Variants in ZNF728 observed in about 807,000 individuals in gnomAD.
The protein encoded by ZNF728 is zinc finger protein 728.
ZNF728 carries 12 observed loss-of-function variants against 12.5 expected under a neutral mutation model. The observed-to-expected ratio is 0.96, with a 90% CI of 0.61 to 1.55. The LOEUF (loss-of-function observed/expected upper bound fraction) is 1.55. Ranked by LOEUF, ZNF728 falls within the 40% of genes most tolerant of loss-of-function variation. The probability of loss-of-function intolerance (pLI) is 0.00; values close to 1 mark genes in which losing one functional copy is unlikely to be tolerated. For missense variants in ZNF728, 692 were observed against 719.2 expected (o/e 0.96, Z 0.43); for synonymous variants, 205 against 240.7 (o/e 0.85, Z 1.37).
intron 1 of ZNF728, among the ~76,000 whole-genome samples, chr19:22,992,015 A>G (rs1968993489): frequency 6.6e-6 from 1 of 152,240 alleles, no homozygotes; most frequent in Non-Finnish European, 1.5e-5. Flanking sequence ...AAAAATAAGT[A>G]TTCTTAGCAG....
chr19:22,998,671 A>T (rs1325561416), intron 1 of ZNF728, among the ~76,000 whole-genome samples: 1 of 152,238 alleles, frequency 6.6e-6, no homozygotes, highest in African/African-American at 2.4e-5. Flanking sequence ...ACAGGTTTCA[A>T]ATAAAATATA....
Position 22,987,422 on chromosome 19 carries a change from G to A in ZNF728, c.131-19C>T, listed in dbSNP as rs771672689. The A allele has an allele frequency of 6.3e-7, 1 of 1,588,636 alleles. No homozygotes were observed. The highest frequency in any genetic ancestry group is 1.2e-5 in the South Asian group (1 of 86,314). On this transcript the variant is annotated intron_variant, in intron 2 of 3. Coordinates refer to ENST00000594710, the MANE Select transcript of ZNF728 (RefSeq NM_001267716.2). Reference sequence around the variant, plus strand: ...GCAATACCTGTTTTATTAAAAATGAGTAACATGCATCTTGCTCATATTCTC... The same window carrying A: ...GCAATACCTGTTTTATTAAAAATGAATAACATGCATCTTGCTCATATTCTC...
intron 1 of ZNF728, chr19:22,995,864 ATC>A (rs1969044544): frequency 2.6e-5 from 4 of 152,342 alleles, no homozygotes; most frequent in Non-Finnish European, 2.9e-5. Flanking sequence ...AAAAATTGAA[ATC>A]TGTGTTAATA....
At chr19:23,001,052 A>G (rs1969108764) in intron 1 of ZNF728, among the ~76,000 whole-genome samples, 1 of 141,470 alleles carries the variant, frequency 7.1e-6, no homozygotes, top group Non-Finnish European at 1.5e-5. Context: ...CTCTCAGGAG[A>G]CTCTGAACTA....
intron 3 of ZNF728, among the ~76,000 whole-genome samples, chr19:22,978,535 G>A (rs1336471473): frequency 6.6e-6 from 1 of 152,142 alleles, no homozygotes; most frequent in East Asian, 1.9e-4. Context: ...ACCTCAAGTG[G>A]GTCCCTGACA....
intron 1 of ZNF728, among the ~76,000 whole-genome samples, chr19:23,000,865 C>CAAA (rs879559395): frequency 8.0e-4 from 26 of 32,594 alleles, no homozygotes; most frequent in South Asian, 4.2e-3. Flanking sequence ...AAAACACTGT[C>CAAA]AAAAAAAAAA....
At position 22,983,652 on chromosome 19, in the gene ZNF728, T is replaced by C. The variant is rs138407767; in HGVS notation, c.226+3656A>G. On this transcript the variant is annotated intron_variant, in intron 3 of 3. Transcript: ENST00000594710. ...CTGGATAAAGAAAATGTGGCACATA[T>C]ATACCACGGAATACTATGCAGCCAT... Among the ~76,000 whole-genome samples the C allele has an allele frequency of 1.5e-3, 224 of 152,288 alleles. 1 individual carries two copies. Among genetic ancestry groups the C allele is most frequent in the African/African-American group, 5.3e-3 (222 of 41,564 alleles).
intron 1 of ZNF728, among the ~76,000 whole-genome samples, chr19:22,992,949 A>G (rs289299): frequency 0.31 from 46,530 of 152,096 alleles, 9,236 homozygotes; most frequent in African/African-American, 0.57. Flanking sequence ...TTGAACTCCC[A>G]AACCTGGGTC....
At chr19:22,984,964 C>A (rs1263470515) in intron 3 of ZNF728, among the ~76,000 whole-genome samples, 3 of 152,032 alleles carry the variant, frequency 2.0e-5, no homozygotes, top group African/African-American at 7.2e-5. Context: ...GAATGCAACA[C>A]ATATATATAC....
At chr19:22,982,434 T>C (rs1295070610) in intron 3 of ZNF728, among the ~76,000 whole-genome samples, 2 of 152,222 alleles carry the variant, frequency 1.3e-5, no homozygotes, top group East Asian at 3.8e-4. Context: ...AAAATGGCCA[T>C]ACGGCCCAAA....
In ZNF728 at chr19:22,976,343, T is replaced by C; in HGVS notation, c.994A>G (p.Arg332Gly). 6.2e-7 allele frequency: 1 copy of C among 1,613,250 alleles called. No individual in the cohort carries two copies. Among genetic ancestry groups the C allele is most frequent in the Non-Finnish European group, 8.5e-7 (1 of 1,179,884 alleles). ...CAGGGCTTCTCTCCAGTATGAATTC[T>C]CTTATGTTCCATAAGGTTTGAGGAC... ...NRSSNLMEHK[R>G]IHTGEKPCKC... The change falls in exon 4 of 4, where the codon AGA becomes GGA. Residue 332 changes from arginine (R) to glycine (G), a missense_variant. Arg to Gly is a moderately radical substitution (Grantham distance 125). Coordinates refer to ENST00000594710, the MANE Select transcript of ZNF728 (RefSeq NM_001267716.2).
At chr19:22,990,233 A>G (rs1968971240) in intron 1 of ZNF728, among the ~76,000 whole-genome samples, 1 of 151,878 alleles carries the variant, frequency 6.6e-6, no homozygotes, top group African/African-American at 2.4e-5. Context: ...GTGGACACAG[A>G]TCTTGATCTG....
chr19:22,989,151 G>C (rs1968955879), intron 1 of ZNF728, among the ~76,000 whole-genome samples: 1 of 150,982 alleles, frequency 6.6e-6, no homozygotes, highest in Non-Finnish European at 1.5e-5. Context: ...GACATGTTGA[G>C]TTAGAAGGTA....
intron 2 of ZNF728, among the ~76,000 whole-genome samples, 177 bp from the exon 3 acceptor site, chr19:22,987,580 T>C (rs768328828): frequency 9.6e-4 from 146 of 152,206 alleles, no homozygotes; most frequent in Non-Finnish European, 9.4e-4. Context: ...AAGTTCTTAA[T>C]TTTATCACCT....
Position 22,975,054 on chromosome 19 carries a change from A to G in ZNF728, c.*414T>C, listed in dbSNP as rs552046375. ...TTAAAGGCTTTGTCACATTCTTCAC[A>G]TTTCTAGGATTTCTCACCAGTATGA... On this transcript the variant is annotated 3_prime_UTR_variant, in exon 4 of 4. Transcript: ENST00000594710. Among the ~76,000 whole-genome samples, 6 of 152,314 alleles carry G rather than the reference A, an allele frequency of 3.9e-5. No homozygotes were observed. The South Asian group carries it at 1.2e-3, about 32-fold the overall frequency.
chr19:22,976,304 A>G lies in ZNF728; in HGVS notation c.1033T>C (p.Cys345Arg). The G allele has an allele frequency of 1.2e-6, 2 of 1,613,382 alleles. No individual in the cohort carries two copies. The highest frequency in any genetic ancestry group is 2.2e-5 in the East Asian group (1 of 44,828). Reference protein sequence around the residue: ...TGEKPCKCEECGKAFGNFSTL... With the variant: ...TGEKPCKCEERGKAFGNFSTL... The stretch of plus-strand genomic sequence containing the variant: ...GAGAAGTTACCAAAGGCTTTGCCAC[A>G]TTCTTCACATTTGCAGGGCTTCTCT... Residue 345 changes from cysteine (C) to arginine (R), a missense_variant, in exon 4 of 4, where the codon TGT (cysteine) becomes CGT (arginine). Cys to Arg is a radical substitution (Grantham distance 180). This residue lies in a region of ZNF728 where 440 missense variants were observed against 459.6 expected (regional missense o/e 0.96). Coordinates refer to ENST00000594710, the MANE Select transcript of ZNF728 (RefSeq NM_001267716.2).
chr19:23,002,261 G>C (rs1240957943), intron 1 of ZNF728, among the ~76,000 whole-genome samples: 1 of 152,224 alleles, frequency 6.6e-6, no homozygotes, highest in African/African-American at 2.4e-5. Context: ...ATTGCAGTGA[G>C]CCCAGACGGC....
chr19:22,989,051 C>CAAAAA (rs68080575), intron 1 of ZNF728, among the ~76,000 whole-genome samples: 49 of 50,148 alleles, frequency 9.8e-4, no homozygotes, highest in South Asian at 2.1e-3. Flanking sequence ...AACTCCATCT[C>CAAAAA]AAAAAAAAAA....
intron 1 of ZNF728, among the ~76,000 whole-genome samples, chr19:22,990,449 C>T (rs937058279): frequency 1.3e-5 from 2 of 152,072 alleles, no homozygotes; most frequent in Non-Finnish European, 2.9e-5. Context: ...CCAATTCTGT[C>T]CTTTATAGCA....
Sources: allele counts gnomAD v4.1 joint callset (sites outside exome capture counted in the v4.1 genomes callset), GRCh38; gene constraint gnomAD v4.1.1; regional missense constraint gnomAD v4.1.1; transcripts MANE v1.5; gene names NCBI Gene and HGNC (gene_info 2026-07-23, HGNC 2026-07-21).